Variants in SLC7A5 observed in about 807,000 individuals in gnomAD.
The protein encoded by SLC7A5 is solute carrier family 7 member 5.
SLC7A5 carries 23 observed loss-of-function variants against 50.2 expected under a neutral mutation model. The observed-to-expected ratio is 0.46, with a 90% CI of 0.33 to 0.65. SLC7A5 has a LOEUF of 0.65. SLC7A5 is among the 30% of genes least tolerant of loss of function. The probability of loss-of-function intolerance (pLI) is 0.02; values close to 1 mark genes in which losing one functional copy is unlikely to be tolerated. For missense variants in SLC7A5, 578 were observed against 684.4 expected, an observed-to-expected ratio of 0.84 and a Z score of 1.73; for synonymous variants, 393 against 330.6, an observed-to-expected ratio of 1.19 and a Z score of -2.05.
intron 1 of SLC7A5, among the ~76,000 whole-genome samples, chr16:87,868,063 C>T (rs1334992767): frequency 6.7e-6 from 1 of 150,182 alleles, no homozygotes; most frequent in African/African-American, 2.5e-5. Flanking sequence ...TTGCGGTGAG[C>T]CGAGATCGTG....
rs1266972808 is a variant in SLC7A5 at position 87,869,417 on chromosome 16, C to T, written c.6G>A (p.Ala2=). The change falls in exon 1 of 10, where the codon GCG becomes GCA. Residue 2 remains alanine, a synonymous_variant. Coordinates refer to ENST00000261622, the MANE Select transcript of SLC7A5 (RefSeq NM_003486.7). M[A]GAGPKRRALA... is the part of the protein sequence containing the mutation. ...GCGCGCGCCGCTTCGGGCCCGCACC[C>T]GCCATGCTCTGCGCACCGGCCGGGC... is the stretch of plus-strand genomic sequence containing the variant. The T allele has an allele frequency of 1.2e-5, 18 of 1,494,074 alleles. No homozygotes were observed. The highest frequency in any genetic ancestry group is 1.4e-5 in the Non-Finnish European group (16 of 1,131,428). The allele number at this position is 1,494,074 out of a possible 1,614,324, so 92.6% of individuals were successfully genotyped here. A position where few individuals can be genotyped will look rare whatever the true frequency, so the allele number is the denominator to read the frequency against.
Position 87,852,783 on chromosome 16 carries a change from C to T in SLC7A5, c.539-934G>A, listed in dbSNP as rs748097736. Among the ~76,000 whole-genome samples, 10 of 151,846 alleles carry T rather than the reference C, an allele frequency of 6.6e-5. No homozygotes were observed. Among genetic ancestry groups the T allele is most frequent in the African/African-American group, 9.7e-5 (4 of 41,376 alleles). The stretch of plus-strand genomic sequence containing the variant: ...GGGGTTCTGTTGCAATATGTGCGCA[C>T]GCTGAGCCACTATTCAGGGATCTGT... On this transcript the variant is annotated intron_variant, in intron 1 of 9. Coordinates refer to ENST00000261622, the MANE Select transcript of SLC7A5 (RefSeq NM_003486.7). The surrounding 1 kb of genome is among the most constrained non-coding windows in gnomAD (Gnocchi z 4.5).
At chr16:87,863,132 A>C (rs2055419702) in intron 1 of SLC7A5, among the ~76,000 whole-genome samples, 1 of 152,318 alleles carries the variant, frequency 6.6e-6, no homozygotes, top group South Asian at 2.1e-4. Context: ...CCACTTCCCG[A>C]ACACCTATGC....
At chr16:87,863,747 G>A (rs1168531612) in intron 1 of SLC7A5, 1 of 151,770 alleles carries the variant, frequency 6.6e-6, no homozygotes. Flanking sequence ...TTCACAAAAA[G>A]AAACCTTCTG....
In SLC7A5 at chr16:87,862,992, C is replaced by A. The variant is rs573910338; in HGVS notation, c.538+5893G>T. ...CGCAGCCAGAGTCCCGCGAGACCGA[C>A]GGACGGCCTGCCCCTGCGTGACGGC... On this transcript the variant is annotated intron_variant, in intron 1 of 9. Coordinates refer to ENST00000261622, the MANE Select transcript of SLC7A5 (RefSeq NM_003486.7). This position sits in a 1 kb window ranked among gnomAD's most constrained non-coding sequence, Gnocchi z 5.3. Among the ~76,000 whole-genome samples, 122 of 152,346 alleles carry A rather than the reference C, an allele frequency of 8.0e-4. No individual in the cohort carries two copies. Among genetic ancestry groups the A allele is most frequent in the African/African-American group, 2.9e-3 (120 of 41,590 alleles).
At chr16:87,851,621 G>A in intron 2 of SLC7A5, 103 bp downstream of exon 2, 1 of 1,409,240 alleles carries the variant, frequency 7.1e-7, no homozygotes, top group Non-Finnish European at 9.8e-7. Flanking sequence ...GCACTGCAGA[G>A]CTGCGGACTG....
intron 1 of SLC7A5, among the ~76,000 whole-genome samples, chr16:87,863,963 A>C (rs2055428542): frequency 7.7e-6 from 1 of 130,438 alleles, no homozygotes; most frequent in Admixed American, 8.1e-5. Context: ...TCCAGAACCC[A>C]ACCTTATGTG....
At position 87,832,797 on chromosome 16, in the gene SLC7A5, G is replaced by C. The variant is rs2054949194; in HGVS notation, c.*173C>G. The C allele has an allele frequency of 1.5e-6, 1 of 666,488 alleles. No homozygotes were observed. Among genetic ancestry groups the C allele is most frequent in the Non-Finnish European group, 2.8e-6 (1 of 360,474 alleles). 41.3% of individuals were successfully genotyped at this position (666,488 alleles called of 1,614,324 possible). ...TCCCTGGCCCTCAGTTGAGGGATGA[G>C]ATTCGTACCAGAGTTTTCACAGCAG... On this transcript the variant is annotated 3_prime_UTR_variant, in exon 10 of 10. Coordinates refer to ENST00000261622, the MANE Select transcript of SLC7A5 (RefSeq NM_003486.7). This position sits in a 1 kb window ranked among gnomAD's most constrained non-coding sequence, Gnocchi z 4.6.
At chr16:87,863,986 A>AAAAAAATATATATAT (rs376938738) in intron 1 of SLC7A5, among the ~76,000 whole-genome samples, 1 of 83,280 alleles carries the variant, frequency 1.2e-5, no homozygotes, top group African/African-American at 3.9e-5. Flanking sequence ...ATCATTTAAA[A>AAAAAAATATATATAT]ATATATATAT....
In SLC7A5 at chr16:87,852,636, C is replaced by CTGTGTG. The variant is rs1491292186; in HGVS notation, c.539-788_539-787insCACACA. ...CCCTGTAAGGCACCCAGCTCTGAGC[C>CTGTGTG]TCTGTGTGTGTGTGTGTGTGTGTGT... is the stretch of plus-strand genomic sequence containing the variant. On this transcript the variant is annotated intron_variant, in intron 1 of 9. Coordinates refer to ENST00000261622, the MANE Select transcript of SLC7A5 (RefSeq NM_003486.7). The surrounding 1 kb of genome is among the most constrained non-coding windows in gnomAD (Gnocchi z 4.5). Among the ~76,000 whole-genome samples the CTGTGTG allele has an allele frequency of 1.0e-5, 1 of 97,436 alleles. No homozygotes were observed. Among genetic ancestry groups the CTGTGTG allele is most frequent in the Non-Finnish European group, 2.1e-5 (1 of 47,086 alleles). 63.9% of individuals were successfully genotyped at this position (97,436 alleles called of 152,430 possible). A position where few individuals can be genotyped will look rare whatever the true frequency, so the allele number is the denominator to read the frequency against.
chr16:87,854,386 C>A (rs919686250), intron 1 of SLC7A5, among the ~76,000 whole-genome samples: 7 of 152,262 alleles, frequency 4.6e-5, no homozygotes, highest in Admixed American at 2.6e-4. Flanking sequence ...CTTTTTTTTA[C>A]GTTTTAAGAT....
At chr16:87,849,998 G>A (rs2055199616) in intron 2 of SLC7A5, among the ~76,000 whole-genome samples, 2 of 152,192 alleles carry the variant, frequency 1.3e-5, no homozygotes, top group South Asian at 4.2e-4. Context: ...AAGACAGTCT[G>A]GCCCCAGCCC....
Position 87,852,708 on chromosome 16 carries a change from A to G in SLC7A5, c.539-859T>C, listed in dbSNP as rs528030032. On this transcript the variant is annotated intron_variant, in intron 1 of 9. Transcript: ENST00000261622. This position sits in a 1 kb window ranked among gnomAD's most constrained non-coding sequence, Gnocchi z 4.5. The stretch of plus-strand genomic sequence containing the variant: ...TGTGTTGGGGGTTCTGTTGCAATAT[A>G]TAGGCACGCTGAGCCACTGTGTGTG... Among the ~76,000 whole-genome samples, 341 of 144,322 alleles carry G rather than the reference A, an allele frequency of 2.4e-3. 1 individual carries two copies. Among genetic ancestry groups the G allele is most frequent in the African/African-American group, 8.7e-3 (338 of 38,814 alleles). The allele number at this position is 144,322 out of a possible 152,430, so 94.7% of individuals were successfully genotyped here. A position where few individuals can be genotyped will look rare whatever the true frequency, so the allele number is the denominator to read the frequency against.
At chr16:87,845,882 G>T (rs527532375) in intron 2 of SLC7A5, among the ~76,000 whole-genome samples, 1 of 152,310 alleles carries the variant, frequency 6.6e-6, no homozygotes, top group Admixed American at 6.5e-5. Context: ...TGAAGGCCGC[G>T]GGAAAACAAG....
rs896656911 is a variant in SLC7A5, at chr16:87,844,863, T to C, written c.665-3708A>G. ...CAGTGTCCCCAAAATTCACGTCCAG[T>C]GGAGCTGCGGGATGTGTCCTAGCTG... On this transcript the variant is annotated intron_variant, in intron 2 of 9. Transcript: ENST00000261622. Among the ~76,000 whole-genome samples, 5 of 152,198 alleles carry C rather than the reference T, an allele frequency of 3.3e-5. No individual in the cohort carries two copies. In the East Asian group the frequency reaches 9.6e-4, roughly 29 times the overall value.
chr16:87,856,961 C>T (rs1337310360), intron 1 of SLC7A5, among the ~76,000 whole-genome samples: 1 of 152,164 alleles, frequency 6.6e-6, no homozygotes, highest in East Asian at 1.9e-4. Flanking sequence ...GCCTGGGGAG[C>T]GCCCCCAGCA....
chr16:87,839,923 C>G lies in SLC7A5; in HGVS notation c.816-98G>C. ...GGTGGGCTCCTCGCAAGCAGTAGCT[C>G]CAGCCTCTGTGCTGGGCTTCTCGGG... On this transcript the variant is annotated intron_variant, in intron 4 of 9. Coordinates refer to ENST00000261622, the MANE Select transcript of SLC7A5 (RefSeq NM_003486.7). The G allele has an allele frequency of 2.6e-6, 4 of 1,522,290 alleles. No individual in the cohort carries two copies. In the South Asian group the frequency reaches 4.6e-5, roughly 18 times the overall value. 94.3% of individuals were successfully genotyped at this position (1,522,290 alleles called of 1,614,324 possible).
rs16943310 is a variant in SLC7A5, at chr16:87,832,512, C to T, written c.*458G>A. The T allele has an allele frequency of 0.041, 6,324 of 153,074 alleles. 414 individuals are homozygous for T. Among genetic ancestry groups the T allele is most frequent in the African/African-American group, 0.14 (5,957 of 41,454 alleles). The allele number at this position is 153,074 out of a possible 1,614,324, so 9.5% of individuals were successfully genotyped here. The stretch of plus-strand genomic sequence containing the variant: ...AAGCCCATGTGTCTGGGCAGCTGTC[C>T]GGCTTCAGTGCAAGTCTGTGGTAGC... On this transcript the variant is annotated 3_prime_UTR_variant, in exon 10 of 10. Coordinates refer to ENST00000261622, the MANE Select transcript of SLC7A5 (RefSeq NM_003486.7). The surrounding 1 kb of genome is among the most constrained non-coding windows in gnomAD (Gnocchi z 4.6).
At chr16:87,839,231 G>C (rs1489469113) in intron 5 of SLC7A5, among the ~76,000 whole-genome samples, 4 of 152,222 alleles carry the variant, frequency 2.6e-5, no homozygotes, top group African/African-American at 7.2e-5. Context: ...TGGGAGGGCA[G>C]TGGGAGAAGC....
Sources: allele counts gnomAD v4.1 joint callset (sites outside exome capture counted in the v4.1 genomes callset), GRCh38; gene constraint gnomAD v4.1.1; non-coding constraint Gnocchi (gnomAD v3.1); transcripts MANE v1.5; gene names NCBI Gene and HGNC (gene_info 2026-07-23, HGNC 2026-07-21).